Variants in IGSF3 observed in about 807,000 individuals in gnomAD.
IGSF3 encodes glu-Trp-Ile EWI motif-containing protein 3.
Under a neutral mutation model 114.4 loss-of-function variants are expected in IGSF3, and 23 were observed. That is an observed-to-expected ratio of 0.20 (90% CI 0.14 to 0.28). IGSF3 has a LOEUF of 0.28. IGSF3 is among the 10% of genes least tolerant of loss of function. IGSF3 has a pLI of 1.00. For synonymous variants in IGSF3, 571 were observed against 645.2 expected (o/e 0.88, Z 1.74); for missense variants, 1,172 against 1,591.5 (o/e 0.74, Z 4.48).
chr1:116,601,732 T>G (rs1308850726), intron 6 of IGSF3, among the ~76,000 whole-genome samples: 2 of 152,188 alleles, frequency 1.3e-5, no homozygotes, highest in Non-Finnish European at 2.9e-5. Context: ...CTATATACCC[T>G]TTAAAAAAGT....
rs950513063 is a variant in IGSF3, at chr1:116,642,184, C to T, written c.43+24100G>A. 2.0e-5 allele frequency among the ~76,000 whole-genome samples: 3 copies of T among 151,966 alleles called. No homozygotes were observed. Among genetic ancestry groups the T allele is most frequent in the South Asian group, 2.1e-4 (1 of 4,820 alleles). ...TAGAACATTTCATTTTTTTCCCACA[C>T]ACCTCGCATCTGATTTTTGATTTTT... On this transcript the variant is annotated intron_variant, in intron 2 of 10. Transcript: ENST00000369486. The surrounding 1 kb of genome is among the most constrained non-coding windows in gnomAD (Gnocchi z 5.4).
chr1:116,637,983 T>G (rs1647913427), intron 2 of IGSF3, among the ~76,000 whole-genome samples: 1 of 152,214 alleles, frequency 6.6e-6, no homozygotes, highest in African/African-American at 2.4e-5. Flanking sequence ...TGGGGACTGC[T>G]CTTGTCCTGC....
In IGSF3 at chr1:116,649,446, G is replaced by T. The variant is rs921011052; in HGVS notation, c.43+16838C>A. On this transcript the variant is annotated intron_variant, in intron 2 of 10. Transcript: ENST00000369486. This position sits in a 1 kb window ranked among gnomAD's most constrained non-coding sequence, Gnocchi z 4.5. ...AATGAATTCAACGCCTCATTACTTA[G>T]ATCTTTCCTCATTACCTCAAAGCCA... Among the ~76,000 whole-genome samples, 1 of 152,174 alleles carries T rather than the reference G, an allele frequency of 6.6e-6. No homozygotes were observed. The highest frequency in any genetic ancestry group is 1.5e-5 in the Non-Finnish European group (1 of 68,032).
rs1348224948 is a variant in IGSF3, at chr1:116,598,664, C to A, written c.2029+1277G>T. Among the ~76,000 whole-genome samples, 2 of 152,216 alleles carry A rather than the reference C, an allele frequency of 1.3e-5. No individual in the cohort carries two copies. The highest frequency in any genetic ancestry group is 4.8e-5 in the African/African-American group (2 of 41,452). On this transcript the variant is annotated intron_variant, in intron 7 of 10. Coordinates refer to ENST00000369486, the MANE Select transcript of IGSF3 (RefSeq NM_001007237.3). This position sits in a 1 kb window ranked among gnomAD's most constrained non-coding sequence, Gnocchi z 4.3. ...CATGGCTGTTAGTGGGCAGAAAAAT[C>A]CCTTTGGCAAGGCGTTCCAGCCATC...
intron 2 of IGSF3, among the ~76,000 whole-genome samples, chr1:116,641,628 G>A (rs1648109166): frequency 6.6e-6 from 1 of 151,836 alleles, no homozygotes; most frequent in Non-Finnish European, 1.5e-5. Flanking sequence ...CCAAAGAAGA[G>A]CACTGATCAC....
Position 116,625,514 on chromosome 1 carries a change from A to C in IGSF3, c.44-9057T>G, listed in dbSNP as rs1454595472. 6.6e-6 allele frequency among the ~76,000 whole-genome samples: 1 copy of C among 152,250 alleles called. No homozygotes were observed. Among genetic ancestry groups the C allele is most frequent in the Non-Finnish European group, 1.5e-5 (1 of 68,054 alleles). On this transcript the variant is annotated intron_variant, in intron 2 of 10. Transcript: ENST00000369486. This position sits in a 1 kb window ranked among gnomAD's most constrained non-coding sequence, Gnocchi z 4.7. ...CACCGAAAGGCACATTAATAAAGTC[A>C]AACACCTCCTCTGGGACTGGGGAAG...
In IGSF3 at chr1:116,648,417, A is replaced by G. The variant is rs974706684; in HGVS notation, c.43+17867T>C. Among the ~76,000 whole-genome samples the G allele has an allele frequency of 4.6e-5, 7 of 152,162 alleles. No individual in the cohort carries two copies. The highest frequency in any genetic ancestry group is 1.4e-4 in the African/African-American group (6 of 41,426). The stretch of plus-strand genomic sequence containing the variant: ...CACACAGAGTAAGAGGTGCCTCTCA[A>G]ATGCCTTTCCCACGTGTCTAACTCT... On this transcript the variant is annotated intron_variant, in intron 2 of 10. Coordinates refer to ENST00000369486, the MANE Select transcript of IGSF3 (RefSeq NM_001007237.3). This position sits in a 1 kb window ranked among gnomAD's most constrained non-coding sequence, Gnocchi z 4.7.
In IGSF3 at chr1:116,583,416, A is replaced by G. The variant is rs1659678565; in HGVS notation, c.2848+1229T>C. On this transcript the variant is annotated intron_variant, in intron 9 of 10. Coordinates refer to ENST00000369486, the MANE Select transcript of IGSF3 (RefSeq NM_001007237.3). The surrounding 1 kb of genome is among the most constrained non-coding windows in gnomAD (Gnocchi z 4.5). ...TCAAAGTGGAGGCAATGTTCCCTGCAGTTTAGGCAAGACACAGGCGAGTGA... is the reference window on the plus strand; with the variant it reads ...TCAAAGTGGAGGCAATGTTCCCTGCGGTTTAGGCAAGACACAGGCGAGTGA... 6.6e-6 allele frequency among the ~76,000 whole-genome samples: 1 copy of G among 152,234 alleles called. No individual in the cohort carries two copies. The highest frequency in any genetic ancestry group is 1.5e-5 in the Non-Finnish European group (1 of 68,038).
In IGSF3 at chr1:116,615,714, CCTT is replaced by C. The variant is rs1355016094; in HGVS notation, c.421+363_421+365del. 6.6e-6 allele frequency among the ~76,000 whole-genome samples: 1 copy of C among 152,244 alleles called. No homozygotes were observed. The highest frequency in any genetic ancestry group is 1.5e-5 in the Non-Finnish European group (1 of 68,044). The stretch of plus-strand genomic sequence containing the variant: ...GTCTCAGAGCTGCCCAAAGGCCTAT[CCTT>C]CTGAGAGGTTTCTCCTCTCTTCCAA... On this transcript the variant is annotated intron_variant, in intron 3 of 10. Coordinates refer to ENST00000369486, the MANE Select transcript of IGSF3 (RefSeq NM_001007237.3). The surrounding 1 kb of genome is among the most constrained non-coding windows in gnomAD (Gnocchi z 4.3).
rs758917267 is a variant in IGSF3 at position 116,600,383 on chromosome 1, T to C, written c.1625-38A>G. The C allele has an allele frequency of 2.6e-6, 4 of 1,564,420 alleles. No homozygotes were observed. The highest frequency in any genetic ancestry group is 2.7e-5 in the African/African-American group (2 of 73,982). On this transcript the variant is annotated intron_variant, in intron 6 of 10. Transcript: ENST00000369486. This position sits in a 1 kb window ranked among gnomAD's most constrained non-coding sequence, Gnocchi z 5.5. ...CAGAGAGATTCAACCAGAGGAGGCA[T>C]GTGGCTTTCTCAGGGCAGTATGACA...
Position 116,603,330 on chromosome 1 carries a change from G to C in IGSF3, c.1624+294C>G, listed in dbSNP as rs528267727. 9.6e-4 allele frequency among the ~76,000 whole-genome samples: 146 copies of C among 152,208 alleles called. No homozygotes were observed. The highest frequency in any genetic ancestry group is 3.3e-3 in the African/African-American group (137 of 41,532). On this transcript the variant is annotated intron_variant, in intron 6 of 10. Coordinates refer to ENST00000369486, the MANE Select transcript of IGSF3 (RefSeq NM_001007237.3). This position sits in a 1 kb window ranked among gnomAD's most constrained non-coding sequence, Gnocchi z 7.1. ...GCTTCACTAACCTGGATAGAGTTCT[G>C]ATAACATCACTCTCTCCCAGCCAGA... is the stretch of plus-strand genomic sequence containing the variant.
In IGSF3 at chr1:116,595,793, G is replaced by A. The variant is rs1469629534; in HGVS notation, c.2029+4148C>T. Among the ~76,000 whole-genome samples the A allele has an allele frequency of 1.3e-5, 2 of 152,218 alleles. No individual in the cohort carries two copies. The highest frequency in any genetic ancestry group is 3.8e-4 in the East Asian group (2 of 5,206). ...GTATTTAAGGATATGTAATTGGAGGGTGTTTTGAGCTAAAGAAAATCAGAA... is the reference window on the plus strand; with the variant it reads ...GTATTTAAGGATATGTAATTGGAGGATGTTTTGAGCTAAAGAAAATCAGAA... On this transcript the variant is annotated intron_variant, in intron 7 of 10. Transcript: ENST00000369486. This position sits in a 1 kb window ranked among gnomAD's most constrained non-coding sequence, Gnocchi z 4.2.
At chr1:116,581,641 C>T (rs1457405330) in intron 9 of IGSF3, among the ~76,000 whole-genome samples, 2 of 152,158 alleles carry the variant, frequency 1.3e-5, no homozygotes, top group African/African-American at 4.8e-5. Flanking sequence ...CCTCTGCACC[C>T]ACCTCCTGCA....
chr1:116,614,278 CT>C lies in IGSF3; in HGVS notation c.422-104del. ...ACGCAGGCGTCACTGCACTGCGCCC[CT>C]AACAGTCATCCTTGAACCATCGATT... On this transcript the variant is annotated intron_variant, in intron 3 of 10. Transcript: ENST00000369486. This position sits in a 1 kb window ranked among gnomAD's most constrained non-coding sequence, Gnocchi z 4.5. The C allele has an allele frequency of 2.2e-6, 2 of 890,366 alleles. No individual in the cohort carries two copies. Among genetic ancestry groups the C allele is most frequent in the Non-Finnish European group, 3.6e-6 (2 of 561,310 alleles). The allele number at this position is 890,366 out of a possible 1,614,324, so 55.2% of individuals were successfully genotyped here. A position where few individuals can be genotyped will look rare whatever the true frequency, so the allele number is the denominator to read the frequency against.
rs1661202227 is a variant in IGSF3, at chr1:116,615,999, T to C, written c.421+81A>G. ...TTTTGGGATTTTTTTTAAAGTCAAA[T>C]GCATGGCATAAAGCAAAATTACGCT... On this transcript the variant is annotated intron_variant, in intron 3 of 10. Coordinates refer to ENST00000369486, the MANE Select transcript of IGSF3 (RefSeq NM_001007237.3). The surrounding 1 kb of genome is among the most constrained non-coding windows in gnomAD (Gnocchi z 4.3). The C allele has an allele frequency of 1.6e-6, 2 of 1,264,586 alleles. No homozygotes were observed. Among genetic ancestry groups the C allele is most frequent in the Admixed American group, 2.2e-5 (1 of 44,650 alleles). 78.3% of individuals were successfully genotyped at this position (1,264,586 alleles called of 1,614,324 possible). A position where few individuals can be genotyped will look rare whatever the true frequency, so the allele number is the denominator to read the frequency against.
Position 116,600,903 on chromosome 1 carries a change from A to G in IGSF3, c.1625-558T>C, listed in dbSNP as rs1439561636. ...GTGGGGACCTCCAGTGGGGTGGGACAATTATCCTAAATGCAGGGTTCTGCA... is the reference window on the plus strand; with the variant it reads ...GTGGGGACCTCCAGTGGGGTGGGACGATTATCCTAAATGCAGGGTTCTGCA... On this transcript the variant is annotated intron_variant, in intron 6 of 10. Coordinates refer to ENST00000369486, the MANE Select transcript of IGSF3 (RefSeq NM_001007237.3). The surrounding 1 kb of genome is among the most constrained non-coding windows in gnomAD (Gnocchi z 5.5). Among the ~76,000 whole-genome samples the G allele has an allele frequency of 6.6e-6, 1 of 152,122 alleles. No homozygotes were observed. The highest frequency in any genetic ancestry group is 1.9e-4 in the East Asian group (1 of 5,198).
rs373177032 is a variant in IGSF3, at chr1:116,666,309, C to T, written c.18G>A (p.Pro6=). Residue 6 remains proline (P), a synonymous_variant, in exon 2 of 11, where the codon CCG becomes CCA. Transcript: ENST00000369486. ...CCAGCACAGCCAGACAGCTCAGCAC[C>T]GGGAAAAAGCACTTCATGTCGGCAG... MKCFF[P]VLSCLAVLGV... 4 of 1,614,090 alleles carry T rather than the reference C, an allele frequency of 2.5e-6. No individual in the cohort carries two copies. Among genetic ancestry groups the T allele is most frequent in the East Asian group, 4.5e-5 (2 of 44,890 alleles).
At position 116,588,601 on chromosome 1, in the gene IGSF3, C is replaced by T. The variant is rs912639052; in HGVS notation, c.2440+93G>A. 2 of 1,203,814 alleles carry T rather than the reference C, an allele frequency of 1.7e-6. No individual in the cohort carries two copies. The highest frequency in any genetic ancestry group is 3.0e-5 in the African/African-American group (2 of 65,948). The allele number at this position is 1,203,814 out of a possible 1,614,324, so 74.6% of individuals were successfully genotyped here. On this transcript the variant is annotated intron_variant, in intron 8 of 10. Coordinates refer to ENST00000369486, the MANE Select transcript of IGSF3 (RefSeq NM_001007237.3). The surrounding 1 kb of genome is among the most constrained non-coding windows in gnomAD (Gnocchi z 4.9). ...ACTCAGCATGCACCTTGCAGACAGT[C>T]TCTCCACACCAGCCCCACAGATCCC...
At position 116,579,413 on chromosome 1, in the gene IGSF3, C is replaced by T. The variant is rs1032303341; in HGVS notation, c.3313G>A (p.Gly1105Ser). The T allele has an allele frequency of 2.4e-5, 38 of 1,578,674 alleles. No individual in the cohort carries two copies. The highest frequency in any genetic ancestry group is 1.2e-4 in the African/African-American group (9 of 73,854). The change falls in exon 10 of 11, where the codon GGC (glycine) becomes AGC (serine). Residue 1105 changes from glycine to serine, a missense_variant. By Grantham distance (56) the Gly-to-Ser change is moderately conservative. Transcript: ENST00000369486. The surrounding 1 kb of genome is among the most constrained non-coding windows in gnomAD (Gnocchi z 6.4). ...RLTEEESAPI[G>S]IRVLDTSPTL... Reference sequence around the variant, plus strand: ...TCACTTGTATCTAGAACACGGATGCCGATGGGGGCTGACTCCTCCTCCGTC... The same window carrying T: ...TCACTTGTATCTAGAACACGGATGCTGATGGGGGCTGACTCCTCCTCCGTC...
Sources: allele counts gnomAD v4.1 joint callset (sites outside exome capture counted in the v4.1 genomes callset), GRCh38; gene constraint gnomAD v4.1.1; non-coding constraint Gnocchi (gnomAD v3.1); transcripts MANE v1.5; gene names NCBI Gene and HGNC (gene_info 2026-07-23, HGNC 2026-07-21).